The following NOP14 variants were observed in gnomAD, a reference collection of about 807,000 sequenced individuals.
NOP14 encodes the protein nucleolar protein 14.
In NOP14, 57 loss-of-function variants were observed where a neutral mutation model predicts 101.6. The ratio of observed to expected loss-of-function variants is 0.56; its 90% CI spans 0.45 to 0.70. NOP14 has a LOEUF of 0.70. Ranked by LOEUF, NOP14 falls within the 30% of genes least tolerant of loss-of-function variation. The pLI is 0.00. For synonymous variants in NOP14, 428 were observed against 424.0 expected, an observed-to-expected ratio of 1.01 and a Z score of -0.12; for missense variants, 1,134 against 1,075.5, an observed-to-expected ratio of 1.05 and a Z score of -0.76.
At position 2,942,467 on chromosome 4, in the gene NOP14, T is replaced by C. The variant is rs550853715; in HGVS notation, c.1892-116A>G. Reference sequence around the variant, plus strand: ...TCTAACAGACGCACACCGATTTTTATGTTTCTGGGTTGTGCCAGACACTGA... The same window carrying C: ...TCTAACAGACGCACACCGATTTTTACGTTTCTGGGTTGTGCCAGACACTGA... On this transcript the variant is annotated intron_variant, in intron 13 of 17. Coordinates refer to ENST00000416614, the MANE Select transcript of NOP14 (RefSeq NM_001291978.2). 108 of 1,080,844 alleles carry C rather than the reference T, an allele frequency of 1.0e-4. 3 individuals carry two copies. The South Asian group carries it at 1.5e-3, about 15-fold the overall frequency. 67.0% of individuals were successfully genotyped at this position (1,080,844 alleles called of 1,614,324 possible).
Position 2,949,999 on chromosome 4 carries a change from C to A in NOP14, c.1217G>T (p.Gly406Val). 1.2e-6 allele frequency: 2 copies of A among 1,614,140 alleles called. No individual in the cohort carries two copies. The highest frequency in any genetic ancestry group is 1.7e-6 in the Non-Finnish European group (2 of 1,180,028). Residue 406 changes from glycine (G) to valine (V), a missense_variant, in exon 8 of 18, where the codon GGG (glycine) becomes GTG (valine). Transcript: ENST00000416614. ...AKEQRQTPGK[G>V]LISGKERAGK... is the part of the protein sequence containing the mutation. Reference sequence around the variant, plus strand: ...AGCTCTTTCCTTGCCGCTTATCAACCCTTTCCCAGGAGTCTGCCTCTGCTC... The same window carrying A: ...AGCTCTTTCCTTGCCGCTTATCAACACTTTCCCAGGAGTCTGCCTCTGCTC...
Position 2,938,653 on chromosome 4 carries a change from GTGC to G in NOP14, c.*175_*177del. On this transcript the variant is annotated 3_prime_UTR_variant, in exon 18 of 18. Coordinates refer to ENST00000416614, the MANE Select transcript of NOP14 (RefSeq NM_001291978.2). The stretch of plus-strand genomic sequence containing the variant: ...CCCGAGTAGTTGGGACTACAGGTGC[GTGC>G]CACCACACTTGGCTAATTTTTATGT... 1 of 589,272 alleles carries G rather than the reference GTGC, an allele frequency of 1.7e-6. No homozygotes were observed. Among genetic ancestry groups the G allele is most frequent in the Non-Finnish European group, 3.0e-6 (1 of 333,954 alleles). 36.5% of individuals were successfully genotyped at this position (589,272 alleles called of 1,614,324 possible). A position where few individuals can be genotyped will look rare whatever the true frequency, so the allele number is the denominator to read the frequency against.
chr4:2,948,497 CAG>C, intron 8 of NOP14, 89 bp from the exon 9 acceptor site: 46 of 1,063,808 alleles, frequency 4.3e-5, no homozygotes, highest in Non-Finnish European at 5.6e-5. Context: ...CTCTGTTGCC[CAG>C]GCTGGAGTGC....
chr4:2,944,979 T>C, intron 12 of NOP14, 149 bp downstream of exon 12: 2 of 584,058 alleles, frequency 3.4e-6, no homozygotes, highest in Non-Finnish European at 6.0e-6. Context: ...GGGGCTCTTT[T>C]AGATGGGCCC....
chr4:2,947,702 G>GT, intron 9 of NOP14, 91 bp from the exon 10 acceptor site: 1 of 1,075,082 alleles, frequency 9.3e-7, no homozygotes, highest in Non-Finnish European at 1.4e-6. Flanking sequence ...GTACATTCTG[G>GT]TGACAACCAG....
chr4:2,955,003 A>ATG (rs1715245990), intron 3 of NOP14, among the ~76,000 whole-genome samples: 1 of 140,874 alleles, frequency 7.1e-6, no homozygotes, highest in East Asian at 2.2e-4. Flanking sequence ...AGTCACCTGC[A>ATG]CGCCACGGCG....
intron 10 of NOP14, 123 bp downstream of exon 10, chr4:2,947,403 G>T: frequency 1.4e-6 from 1 of 726,348 alleles, no homozygotes; most frequent in Non-Finnish European, 2.3e-6. Flanking sequence ...CTGCCCACTT[G>T]GCATGCTGAC....
Position 2,957,604 on chromosome 4 carries a change from A to G in NOP14, c.330+2T>C. ...AAACCCTCCTCCAGTTTCTTTCCAT[A>G]CCTGCTGTTCCAGAGCAAACCTCTT... is the stretch of plus-strand genomic sequence containing the variant. On this transcript the variant is annotated splice_donor_variant, in intron 2 of 17. Transcript: ENST00000416614. LOFTEE classifies it high-confidence loss of function. The G allele has an allele frequency of 6.2e-7, 1 of 1,613,702 alleles. No individual in the cohort carries two copies. The highest frequency in any genetic ancestry group is 8.5e-7 in the Non-Finnish European group (1 of 1,179,900).
intron 1 of NOP14, among the ~76,000 whole-genome samples, chr4:2,960,683 A>G (rs1715680290): frequency 7.3e-6 from 1 of 137,726 alleles, no homozygotes; most frequent in South Asian, 2.1e-4. Flanking sequence ...ATATTATATT[A>G]ATATTATAAT....
At chr4:2,944,441 T>A (rs998286541) in intron 12 of NOP14, among the ~76,000 whole-genome samples, 1 of 152,116 alleles carries the variant, frequency 6.6e-6, no homozygotes, top group African/African-American at 2.4e-5. Flanking sequence ...AGTTTCACTC[T>A]TACCACCCAG....
At chr4:2,949,881 G>A (rs755875115) in intron 8 of NOP14, 53 bp downstream of exon 8, 275 of 1,602,246 alleles carry the variant, frequency 1.7e-4, no homozygotes, top group Non-Finnish European at 2.1e-4. Context: ...CACAGCTATG[G>A]CCAGGTCATA....
At chr4:2,946,758 G>A (rs1714673713) in intron 10 of NOP14, 1 of 557,868 alleles carries the variant, frequency 1.8e-6, no homozygotes, top group Non-Finnish European at 3.2e-6. Context: ...GGAGGTGGTG[G>A]GAGAAACAGC....
At chr4:2,956,878 A>G in intron 2 of NOP14, 67 bp from the exon 3 acceptor site, 1 of 1,301,914 alleles carries the variant, frequency 7.7e-7, no homozygotes, top group Non-Finnish European at 1.1e-6. Context: ...AAAAAAGATA[A>G]GGTAGATATA....
chr4:2,963,264 C>T lies in NOP14; in HGVS notation c.56G>A (p.Gly19Glu), dbSNP rs1418944050. The T allele has an allele frequency of 6.3e-7, 1 of 1,591,200 alleles. No homozygotes were observed. Among genetic ancestry groups the T allele is most frequent in the Admixed American group, 1.8e-5 (1 of 56,558 alleles). The change falls in exon 1 of 18, where the codon GGA becomes GAA. Residue 19 changes from glycine to glutamate, a missense_variant. Physicochemically the swap from Gly to Glu is moderately conservative, Grantham distance 98. Coordinates refer to ENST00000416614, the MANE Select transcript of NOP14 (RefSeq NM_001291978.2). ...GGCCTTCGCCGGGCCCCCTCGCGCT[C>T]CCGCCGGCGCCCCGGAGGCCTTCCT... ...ARRKASGAPA[G>E]ARGGPAKANS...
intron 1 of NOP14, among the ~76,000 whole-genome samples, chr4:2,960,820 C>T (rs1447365888): frequency 2.2e-5 from 2 of 90,742 alleles, no homozygotes; most frequent in Non-Finnish European, 4.3e-5. Flanking sequence ...ATTATAATCA[C>T]ATTATCAATA....
At chr4:2,942,034 G>T in intron 14 of NOP14, 158 bp downstream of exon 14, 2 of 713,642 alleles carry the variant, frequency 2.8e-6, no homozygotes, top group Non-Finnish European at 4.7e-6. Flanking sequence ...AAAAGGGACA[G>T]CAAGCCAACA....
chr4:2,959,836 A>G (rs77701493), intron 1 of NOP14, among the ~76,000 whole-genome samples: 32,096 of 152,134 alleles, frequency 0.21, 4,409 homozygotes, highest in Non-Finnish European at 0.29. Context: ...CGCAGAGCAA[A>G]ATTTTAAAAC....
Position 2,939,273 on chromosome 4 carries a change from T to G in NOP14, c.2389A>C (p.Lys797Gln). The G allele has an allele frequency of 6.2e-7, 1 of 1,614,046 alleles. No homozygotes were observed. The highest frequency in any genetic ancestry group is 1.1e-5 in the South Asian group (1 of 91,090). The change falls in exon 17 of 18, where the codon AAG (lysine) becomes CAG (glutamine). Residue 797 changes from lysine to glutamine, a missense_variant. By Grantham distance (53) the Lys-to-Gln change is moderately conservative (BLOSUM62 1). Coordinates refer to ENST00000416614, the MANE Select transcript of NOP14 (RefSeq NM_001291978.2). ...CGAACGGCCCCTTTAAATTCACGCTTGTGTTTGTGGATCAGCCTCTTCCTT... is the reference window on the plus strand; with the variant it reads ...CGAACGGCCCCTTTAAATTCACGCTGGTGTTTGTGGATCAGCCTCTTCCTT... ...QERKRLIHKH[K>Q]REFKGAVREI...
At position 2,947,957 on chromosome 4, in the gene NOP14, ATCTGCCACAGCAAAGTCTGGC is replaced by A. The variant is rs368314980; in HGVS notation, c.1413+300_1413+320del. Among the ~76,000 whole-genome samples, 890 of 152,364 alleles carry A rather than the reference ATCTGCCACAGCAAAGTCTGGC, an allele frequency of 5.8e-3. 9 individuals carry two copies. Among genetic ancestry groups the A allele is most frequent in the Middle Eastern group, 0.02 (6 of 294 alleles). ...GAAAGAGGCACGATCACAGCCACCT[ATCTGCCACAGCAAAGTCTGGC>A]TCTGCCACACGCTGGCTATGTGAAC... On this transcript the variant is annotated intron_variant, in intron 9 of 17. Coordinates refer to ENST00000416614, the MANE Select transcript of NOP14 (RefSeq NM_001291978.2).
Sources: gnomAD v4.1 joint callset for allele counts (sites outside exome capture counted in the v4.1 genomes callset) on GRCh38, gnomAD v4.1.1 for gene constraint, MANE v1.5 for transcripts, NCBI Gene and HGNC (gene_info 2026-07-23, HGNC 2026-07-21) for gene names.